Variants in SLC26A3 observed in about 807,000 individuals in gnomAD.
SLC26A3 encodes chloride anion exchanger.
A neutral mutation model predicts 85.6 loss-of-function variants in SLC26A3; 64 were observed. That is an observed-to-expected ratio of 0.75 (90% CI 0.61 to 0.92). The LOEUF (loss-of-function observed/expected upper bound fraction) is 0.92, where lower values mean the gene tolerates loss of function less well. SLC26A3 is among the 40% of genes least tolerant of loss of function. The pLI is 0.00. For missense variants in SLC26A3, 922 were observed against 927.3 expected (o/e 0.99, Z 0.07); for synonymous variants, 349 against 336.0 (o/e 1.04, Z -0.42).
In SLC26A3 at chr7:107,793,836, G is replaced by T; in HGVS notation, c.177C>A (p.Pro59=). ...GGTATGCTGGCAACCAAGATGCTAT[G>T]GGGAACAAAGAGAGGACAATTCTCT... The part of the protein sequence containing the change: ...KAKRIVLSLF[P]IASWLPAYRL... Residue 59 remains proline (P), a synonymous_variant, in exon 3 of 21, where the codon CCC becomes CCA. Transcript: ENST00000340010. The T allele has an allele frequency of 6.2e-7, 1 of 1,614,018 alleles. No individual in the cohort carries two copies. Among genetic ancestry groups the T allele is most frequent in the Non-Finnish European group, 8.5e-7 (1 of 1,179,928 alleles).
In SLC26A3 at chr7:107,793,848, G is replaced by A. The variant is rs557332354; in HGVS notation, c.165C>T (p.Leu55=). 2 of 1,614,082 alleles carry A rather than the reference G, an allele frequency of 1.2e-6. No homozygotes were observed. Among genetic ancestry groups the A allele is most frequent in the Non-Finnish European group, 1.7e-6 (2 of 1,179,958 alleles). The part of the protein sequence containing the change: ...CSPQKAKRIV[L]SLFPIASWLP... Reference sequence around the variant, plus strand: ...ACCAAGATGCTATGGGGAACAAAGAGAGGACAATTCTCTTGGCCTTTTGTG... The same window carrying A: ...ACCAAGATGCTATGGGGAACAAAGAAAGGACAATTCTCTTGGCCTTTTGTG... The change falls in exon 3 of 21, where the codon CTC becomes CTT. Residue 55 remains leucine (L), a synonymous_variant. Coordinates refer to ENST00000340010, the MANE Select transcript of SLC26A3 (RefSeq NM_000111.3).
chr7:107,787,553 C>T (rs1284291055), intron 6 of SLC26A3, 44 bp from the exon 7 acceptor site: 1 of 1,544,776 alleles, frequency 6.5e-7, no homozygotes, highest in Non-Finnish European at 8.9e-7. Flanking sequence ...TATATTAATG[C>T]ACAATTTGGA....
chr7:107,796,103 ATTATT>A (rs1794493841), intron 1 of SLC26A3, among the ~76,000 whole-genome samples: 1 of 101,194 alleles, frequency 9.9e-6, no homozygotes, highest in Non-Finnish European at 2.0e-5. Context: ...CCTTATTATT[ATTATT>A]ATTATTATTA....
At chr7:107,767,558 A>T (rs373277657) in intron 20 of SLC26A3, 21 bp downstream of exon 20, 4 of 1,569,318 alleles carry the variant, frequency 2.5e-6, no homozygotes, top group Non-Finnish European at 2.6e-6. Flanking sequence ...AGGTGAAGAT[A>T]AACCTGTTGA....
intron 6 of SLC26A3, among the ~76,000 whole-genome samples, 182 bp downstream of exon 6, chr7:107,789,342 G>C (rs901353369): frequency 2.0e-5 from 3 of 150,972 alleles, no homozygotes; most frequent in African/African-American, 7.3e-5. Flanking sequence ...GGATGGTCTC[G>C]ATCTCCTGAT....
intron 18 of SLC26A3, among the ~76,000 whole-genome samples, chr7:107,770,134 T>C (rs564571796): frequency 2.1e-4 from 28 of 133,016 alleles, no homozygotes; most frequent in African/African-American, 7.6e-4. Flanking sequence ...CTTTCTTTCT[T>C]TCTCTCTTTC....
chr7:107,786,088 C>G (rs1215766000), intron 8 of SLC26A3, among the ~76,000 whole-genome samples: 3 of 152,172 alleles, frequency 2.0e-5, no homozygotes, highest in Non-Finnish European at 4.4e-5. Flanking sequence ...TTGCTCTGCC[C>G]TTGTTTTGAA....
In SLC26A3 at chr7:107,774,157, C is replaced by T; in HGVS notation, c.1774-4G>A. 6.3e-7 allele frequency: 1 copy of T among 1,593,500 alleles called. No individual in the cohort carries two copies. Among genetic ancestry groups the T allele is most frequent in the Non-Finnish European group, 8.6e-7 (1 of 1,161,218 alleles). On this transcript the variant is annotated splice_polypyrimidine_tract_variant and splice_region_variant and intron_variant, in intron 16 of 20. Transcript: ENST00000340010. ...CAACAGTACATATAAATCCTTTCTG[C>T]AGGAGAGGATAACAAGTATGAAAAC...
intron 18 of SLC26A3, among the ~76,000 whole-genome samples, chr7:107,770,181 TAAAAAAAAAAAGG>T (rs1455936150): frequency 3.6e-5 from 2 of 55,862 alleles, no homozygotes; most frequent in Admixed American, 3.3e-4. Context: ...TTTTTTTTTT[TAAAAAAAAAAAGG>T]GGTTTTTTTT....
rs386833471 is a variant in SLC26A3 at position 107,767,909 on chromosome 7, C to A, written c.2063-1G>T. On this transcript the variant is annotated splice_acceptor_variant, in intron 18 of 20. Coordinates refer to ENST00000340010, the MANE Select transcript of SLC26A3 (RefSeq NM_000111.3). LOFTEE classifies it high-confidence loss of function. ...CGGTTAAGCTTCTCAATGAAGTCAT[C>A]TGAAGAGAAAAAAACAGTAACTTTT... is the stretch of plus-strand genomic sequence containing the variant. 14 of 1,613,252 alleles carry A rather than the reference C, an allele frequency of 8.7e-6. No individual in the cohort carries two copies. In the East Asian group the frequency reaches 3.1e-4, roughly 36 times the overall value.
chr7:107,773,699 C>T (rs182400604), intron 17 of SLC26A3, among the ~76,000 whole-genome samples: 23 of 152,176 alleles, frequency 1.5e-4, no homozygotes, highest in Non-Finnish European at 2.6e-4. Context: ...TACAGGTGCA[C>T]GCCACCACAC....
intron 11 of SLC26A3, among the ~76,000 whole-genome samples, chr7:107,781,286 A>G (rs982212566): frequency 6.6e-6 from 1 of 152,184 alleles, no homozygotes; most frequent in African/African-American, 2.4e-5. Flanking sequence ...AATACCTATT[A>G]TGAGCTTTTA....
intron 6 of SLC26A3, among the ~76,000 whole-genome samples, chr7:107,789,189 T>C (rs1794350834): frequency 6.7e-6 from 1 of 148,922 alleles, no homozygotes; most frequent in Non-Finnish European, 1.5e-5. Context: ...TGATCTCAAC[T>C]CACTGCAAGA....
At chr7:107,791,720 A>C (rs1562881085) in intron 4 of SLC26A3, 110 bp downstream of exon 4, 1 of 761,876 alleles carries the variant, frequency 1.3e-6, no homozygotes, top group Non-Finnish European at 2.3e-6. Flanking sequence ...ACAGGAGACC[A>C]TGACTCTTCT....
intron 16 of SLC26A3, among the ~76,000 whole-genome samples, chr7:107,774,549 G>A (rs553968661): frequency 2.0e-5 from 3 of 152,308 alleles, no homozygotes; most frequent in African/African-American, 7.2e-5. Context: ...GCAAGACACT[G>A]TCTCAAACAA....
chr7:107,779,623 C>G, intron 12 of SLC26A3, 45 bp downstream of exon 12: 1 of 1,421,054 alleles, frequency 7.0e-7, no homozygotes. Flanking sequence ...CATTAAAATG[C>G]TATTGTGATT....
In SLC26A3 at chr7:107,774,816, G is replaced by T; in HGVS notation, c.1734C>A (p.Ile578=). 1 of 1,614,146 alleles carries T rather than the reference G, an allele frequency of 6.2e-7. No individual in the cohort carries two copies. The highest frequency in any genetic ancestry group is 8.5e-7 in the Non-Finnish European group (1 of 1,179,994). ...LRKRNKALRK[I]RKLQKQGLLQ... ...GCAAGCCTTGCTTCTGCAGTTTTCGGATTTTCCTCAAAGCTTTGTTGCGCT... is the reference window on the plus strand; with the variant it reads ...GCAAGCCTTGCTTCTGCAGTTTTCGTATTTTCCTCAAAGCTTTGTTGCGCT... The change falls in exon 16 of 21, where the codon ATC becomes ATA. Residue 578 remains isoleucine (I), a synonymous_variant. Coordinates refer to ENST00000340010, the MANE Select transcript of SLC26A3 (RefSeq NM_000111.3).
rs566719097 is a variant in SLC26A3 at position 107,786,415 on chromosome 7, G to A, written c.971+412C>T. Among the ~76,000 whole-genome samples the A allele has an allele frequency of 2.6e-5, 4 of 152,074 alleles. No homozygotes were observed. In the South Asian group the frequency reaches 6.2e-4, roughly 24 times the overall value. On this transcript the variant is annotated intron_variant, in intron 8 of 20. Coordinates refer to ENST00000340010, the MANE Select transcript of SLC26A3 (RefSeq NM_000111.3). ...GGGCTCAAGTGATCCTCTCACCTTGGCCTCTCAAATTGCTGGGATTTCAGG... is the reference window on the plus strand; with the variant it reads ...GGGCTCAAGTGATCCTCTCACCTTGACCTCTCAAATTGCTGGGATTTCAGG...
chr7:107,782,848 G>T lies in SLC26A3; in HGVS notation c.1260C>A (p.Ile420=), dbSNP rs759616448. Residue 420 remains isoleucine, a synonymous_variant, in exon 11 of 21, where the codon ATC becomes ATA. Coordinates refer to ENST00000340010, the MANE Select transcript of SLC26A3 (RefSeq NM_000111.3). ...CAATGGCTAGAACGACAATCAGCAC[G>T]ATGATGGCACCAATAAGCCCAGCAA... ...TQIAGLIGAI[I]VLIVVLAIGF... is the part of the protein sequence containing the mutation. 2 of 1,613,998 alleles carry T rather than the reference G, an allele frequency of 1.2e-6. No homozygotes were observed. The highest frequency in any genetic ancestry group is 1.3e-5 in the African/African-American group (1 of 74,914).
Sources: allele counts gnomAD v4.1 joint callset (sites outside exome capture counted in the v4.1 genomes callset), GRCh38; gene constraint gnomAD v4.1.1; transcripts MANE v1.5; gene names NCBI Gene and HGNC (gene_info 2026-07-23, HGNC 2026-07-21).